Variants in EIF2B3 observed in about 807,000 individuals in gnomAD.
The protein encoded by EIF2B3 is eukaryotic translation initiation factor 2B subunit gamma, also known as translation initiation factor eIF2B subunit gamma.
Under a neutral mutation model 54.1 loss-of-function variants are expected in EIF2B3, and 20 were observed. That is an observed-to-expected ratio of 0.37 (90% CI 0.26 to 0.54). The LOEUF is 0.54. EIF2B3 is among the 20% of genes least tolerant of loss of function. The probability of loss-of-function intolerance (pLI) is 0.86; values close to 1 mark genes in which losing one functional copy is unlikely to be tolerated. For missense variants in EIF2B3, 448 were observed against 547.8 expected (o/e 0.82, Z 1.82); for synonymous variants, 153 against 188.1 (o/e 0.81, Z 1.52).
At chr1:44,870,294 T>C (rs1654926647) in intron 10 of EIF2B3, among the ~76,000 whole-genome samples, 1 of 152,096 alleles carries the variant, frequency 6.6e-6, no homozygotes, top group Admixed American at 6.6e-5. Flanking sequence ...ACAAACTGAA[T>C]ACCAGACATC....
intron 5 of EIF2B3, among the ~76,000 whole-genome samples, chr1:44,899,442 G>C (rs1192477609): frequency 6.6e-6 from 1 of 152,136 alleles, no homozygotes; most frequent in Non-Finnish European, 1.5e-5. Context: ...AATGACAAAG[G>C]TGTAATATCA....
At chr1:44,906,651 C>T (rs192377413) in intron 5 of EIF2B3, among the ~76,000 whole-genome samples, 133 of 152,250 alleles carry the variant, frequency 8.7e-4, no homozygotes, top group Non-Finnish European at 1.6e-3. Flanking sequence ...CCGCCCACCT[C>T]GGCCTCCCAA....
At chr1:44,953,198 T>C (rs1287040681) in intron 3 of EIF2B3, among the ~76,000 whole-genome samples, 1 of 149,890 alleles carries the variant, frequency 6.7e-6, no homozygotes, top group Non-Finnish European at 1.5e-5. Flanking sequence ...TTTTATAAGC[T>C]GGGCAAGGAA....
intron 5 of EIF2B3, among the ~76,000 whole-genome samples, chr1:44,919,338 A>G (rs1202711250): frequency 6.7e-6 from 1 of 149,312 alleles, no homozygotes; most frequent in Non-Finnish European, 1.5e-5. Context: ...CAACAGACTG[A>G]GACTCCCTCT....
At position 44,850,617 on chromosome 1, in the gene EIF2B3, T is replaced by C. The variant is rs999187954; in HGVS notation, c.*334A>G. 5.1e-6 allele frequency: 2 copies of C among 395,434 alleles called. No individual in the cohort carries two copies. The highest frequency in any genetic ancestry group is 9.3e-6 in the Non-Finnish European group (2 of 214,986). The allele number at this position is 395,434 out of a possible 1,614,324, so 24.5% of individuals were successfully genotyped here. A position where few individuals can be genotyped will look rare whatever the true frequency, so the allele number is the denominator to read the frequency against. On this transcript the variant is annotated 3_prime_UTR_variant, in exon 12 of 12. Transcript: ENST00000360403. Reference sequence around the variant, plus strand: ...TTTAGGTGAGGGATACTTTCAGGACTGGGTTGGGTCAGCCAGTCAGAAAGT... The same window carrying C: ...TTTAGGTGAGGGATACTTTCAGGACCGGGTTGGGTCAGCCAGTCAGAAAGT...
intron 3 of EIF2B3, among the ~76,000 whole-genome samples, chr1:44,975,334 C>T (rs944332098): frequency 6.6e-6 from 1 of 152,104 alleles, no homozygotes; most frequent in African/African-American, 2.4e-5. Context: ...CTGAGAAATC[C>T]GGTATGTTCT....
chr1:44,894,989 C>T (rs1655919170), intron 6 of EIF2B3, among the ~76,000 whole-genome samples: 1 of 152,210 alleles, frequency 6.6e-6, no homozygotes, highest in African/African-American at 2.4e-5. Context: ...GGAGTAAAGA[C>T]TGTCCCTCAA....
At chr1:44,879,575 C>T (rs571513439) in intron 8 of EIF2B3, among the ~76,000 whole-genome samples, 17 of 152,280 alleles carry the variant, frequency 1.1e-4, no homozygotes, top group Admixed American at 9.8e-4. Context: ...AGAAGTTAGC[C>T]TTCCTGAAGA....
intron 11 of EIF2B3, among the ~76,000 whole-genome samples, chr1:44,856,268 A>G (rs943562025): frequency 1.3e-5 from 2 of 152,102 alleles, no homozygotes; most frequent in African/African-American, 4.8e-5. Flanking sequence ...TAATCTCAGC[A>G]CTTTGGGAAA....
intron 3 of EIF2B3, among the ~76,000 whole-genome samples, chr1:44,962,951 C>T (rs903538567): frequency 6.6e-6 from 1 of 152,036 alleles, no homozygotes; most frequent in Non-Finnish European, 1.5e-5. Flanking sequence ...AAAGACCAGA[C>T]AGCTGGGTGC....
At chr1:44,920,188 C>T (rs1415114941) in intron 5 of EIF2B3, among the ~76,000 whole-genome samples, 1 of 151,782 alleles carries the variant, frequency 6.6e-6, no homozygotes, top group African/African-American at 2.4e-5. Context: ...TTAGTTTATG[C>T]TAAGGTTTTG....
chr1:44,921,477 G>A (rs1643737374), intron 5 of EIF2B3, among the ~76,000 whole-genome samples: 1 of 152,194 alleles, frequency 6.6e-6, no homozygotes. Context: ...CCAATGTCCT[G>A]GAGACTTTCC....
rs543079289 is a variant in EIF2B3, at chr1:44,895,161, A to C, written c.656+2194T>G. 5.9e-5 allele frequency among the ~76,000 whole-genome samples: 9 copies of C among 152,296 alleles called. 1 individual carries two copies. The highest frequency in any genetic ancestry group is 5.9e-4 in the Admixed American group (9 of 15,296). ...CTCCTAAACAGATCTTGAGGTGGGG[A>C]AACAGTATGTGCTGAGGCTCTGTAT... is the stretch of plus-strand genomic sequence containing the variant. On this transcript the variant is annotated intron_variant, in intron 6 of 11. Coordinates refer to ENST00000360403, the MANE Select transcript of EIF2B3 (RefSeq NM_020365.5).
chr1:44,880,789 C>T (rs145066036), intron 7 of EIF2B3, among the ~76,000 whole-genome samples: 129 of 152,048 alleles, frequency 8.5e-4, no homozygotes, highest in African/African-American at 3.0e-3. Flanking sequence ...AGAGAAACCC[C>T]GTCTCTACTA....
At chr1:44,971,370 CAG>C (rs1348781449) in intron 3 of EIF2B3, among the ~76,000 whole-genome samples, 4 of 107,560 alleles carry the variant, frequency 3.7e-5, no homozygotes, top group Admixed American at 1.9e-4. Context: ...ACTCCGTCTC[CAG>C]AAAAAAAAAA....
intron 5 of EIF2B3, among the ~76,000 whole-genome samples, chr1:44,920,342 G>C (rs138474372): frequency 6.6e-6 from 1 of 152,072 alleles, no homozygotes; most frequent in Admixed American, 6.6e-5. Flanking sequence ...GGGTAAATGG[G>C]GGTATCCATT....
chr1:44,878,679 C>G (rs968512240), intron 8 of EIF2B3, among the ~76,000 whole-genome samples: 8 of 152,100 alleles, frequency 5.3e-5, no homozygotes, highest in African/African-American at 1.9e-4. Context: ...AATAACTAAT[C>G]TTTTCATTAT....
At chr1:44,924,346 T>C (rs1480322094) in intron 5 of EIF2B3, among the ~76,000 whole-genome samples, 1 of 152,238 alleles carries the variant, frequency 6.6e-6, no homozygotes, top group African/African-American at 2.4e-5. Flanking sequence ...TATGCCATTC[T>C]TTAGCTATTT....
At chr1:44,979,944 C>T (rs543912905) in intron 2 of EIF2B3, among the ~76,000 whole-genome samples, 5 of 151,670 alleles carry the variant, frequency 3.3e-5, no homozygotes, top group African/African-American at 9.7e-5. Flanking sequence ...CCAGCCTGGG[C>T]GACAGGGTGA....
Sources: allele counts gnomAD v4.1 joint callset (sites outside exome capture counted in the v4.1 genomes callset), GRCh38; gene constraint gnomAD v4.1.1; transcripts MANE v1.5; gene names NCBI Gene and HGNC (gene_info 2026-07-23, HGNC 2026-07-21).